DPP10: variants seen among roughly 807,000 people sequenced by gnomAD.
DPP10 encodes the protein dipeptidyl peptidase like 10, also known as inactive dipeptidyl peptidase 10.
In DPP10, 33 loss-of-function variants were observed where a neutral mutation model predicts 120.9. The ratio of observed to expected loss-of-function variants is 0.27; its 90% confidence interval spans 0.21 to 0.37. The LOEUF is 0.37. Among genes scored for constraint, DPP10 ranks in the 10% least tolerant of loss-of-function variants. DPP10 has a pLI of 1.00. For synonymous variants in DPP10, 337 were observed against 326.1 expected (o/e 1.03, Z -0.36); for missense variants, 816 against 942.8 (o/e 0.87, Z 1.76).
chr2:115,758,066 TA>T (rs1439891910), intron 11 of DPP10, among the ~76,000 whole-genome samples: 6 of 152,026 alleles, frequency 3.9e-5, no homozygotes, highest in Admixed American at 3.3e-4. Context: ...AGTATAGTGT[TA>T]GGAAAGGAAG....
intron 5 of DPP10, among the ~76,000 whole-genome samples, chr2:115,562,412 C>A (rs1649282416): frequency 6.6e-6 from 1 of 152,082 alleles, no homozygotes; most frequent in Non-Finnish European, 1.5e-5. Flanking sequence ...AGGTTGAGAC[C>A]ATATGCTTTT....
intron 1 of DPP10, among the ~76,000 whole-genome samples, chr2:114,643,780 C>T (rs1467410715): frequency 1.3e-5 from 2 of 151,562 alleles, no homozygotes; most frequent in African/African-American, 4.9e-5. Context: ...TTGGAAGATT[C>T]ATACACTTTG....
At chr2:115,777,128 C>T in intron 13 of DPP10, 80 bp from the exon 14 acceptor site, 1 of 1,258,024 alleles carries the variant, frequency 7.9e-7, no homozygotes, top group South Asian at 1.3e-5. Context: ...CGAAGTGTCA[C>T]AAGCAGTTGG....
At chr2:115,222,054 T>G (rs1028860315) in intron 1 of DPP10, among the ~76,000 whole-genome samples, 1 of 152,114 alleles carries the variant, frequency 6.6e-6, no homozygotes, top group South Asian at 2.1e-4. Context: ...CTGATAGATT[T>G]CTTGTTAGTA....
At chr2:114,890,825 G>A (rs970405784) in intron 1 of DPP10, among the ~76,000 whole-genome samples, 29 of 152,240 alleles carry the variant, frequency 1.9e-4, no homozygotes, top group Non-Finnish European at 4.3e-4. Context: ...ATAGCCAAAT[G>A]CTGTCGCTCT....
intron 1 of DPP10, among the ~76,000 whole-genome samples, chr2:114,751,955 A>C (rs1679269032): frequency 6.6e-6 from 1 of 152,216 alleles, no homozygotes; most frequent in African/African-American, 2.4e-5. Flanking sequence ...GGGGCCTAAG[A>C]CATGAATTTC....
At chr2:115,224,137 T>C (rs917825631) in intron 1 of DPP10, among the ~76,000 whole-genome samples, 3 of 152,048 alleles carry the variant, frequency 2.0e-5, no homozygotes, top group African/African-American at 7.2e-5. Flanking sequence ...TTAGTGAGTG[T>C]AAAGTTACAA....
chr2:115,743,063 T>C (rs1433785860), intron 9 of DPP10, among the ~76,000 whole-genome samples: 1 of 151,678 alleles, frequency 6.6e-6, no homozygotes, highest in Non-Finnish European at 1.5e-5. Flanking sequence ...AGGTTAATTG[T>C]TATTGAGGCT....
intron 1 of DPP10, among the ~76,000 whole-genome samples, chr2:115,171,299 T>A (rs1467915672): frequency 6.7e-6 from 1 of 149,092 alleles, no homozygotes. Context: ...AGGCAGAGGT[T>A]GCTGGGAGCC....
intron 1 of DPP10, among the ~76,000 whole-genome samples, chr2:114,879,816 A>G (rs933710054): frequency 6.6e-6 from 1 of 152,146 alleles, no homozygotes; most frequent in Non-Finnish European, 1.5e-5. Flanking sequence ...CCTCTCACTG[A>G]CAGGCGGTTC....
intron 1 of DPP10, among the ~76,000 whole-genome samples, chr2:115,181,292 C>T (rs532537947): frequency 6.6e-6 from 1 of 152,278 alleles, no homozygotes; most frequent in Non-Finnish European, 1.5e-5. Context: ...TTATCTGTTA[C>T]TTCATATCAT....
chr2:114,855,392 A>G (rs949475476), intron 1 of DPP10, among the ~76,000 whole-genome samples: 6 of 152,162 alleles, frequency 3.9e-5, no homozygotes, highest in Non-Finnish European at 7.3e-5. Flanking sequence ...TTAATAGCAA[A>G]TCCACTTAAG....
Position 114,831,855 on chromosome 2 carries a change from A to AT in DPP10, c.60+389017_60+389018insT, listed in dbSNP as rs1302039156. Among the ~76,000 whole-genome samples the AT allele has an allele frequency of 8.3e-3, 876 of 106,104 alleles. 6 individuals carry two copies. The highest frequency in any genetic ancestry group is 0.022 in the African/African-American group (822 of 38,108). The allele number at this position is 106,104 out of a possible 152,430, so 69.6% of individuals were successfully genotyped here. ...TCTCTTTCTCTCTCTTTAATTAAAA[A>AT]AAATATATATATATATAATATATAT... On this transcript the variant is annotated intron_variant, in intron 1 of 25. Transcript: ENST00000410059.
chr2:114,866,307 G>C (rs1690230412), intron 1 of DPP10, among the ~76,000 whole-genome samples: 1 of 151,880 alleles, frequency 6.6e-6, no homozygotes, highest in Admixed American at 6.6e-5. Flanking sequence ...TTGAGATCTT[G>C]AGCTAGGCCT....
At chr2:115,075,786 C>T (rs2104464812) in intron 1 of DPP10, among the ~76,000 whole-genome samples, 1 of 150,428 alleles carries the variant, frequency 6.6e-6, no homozygotes, top group African/African-American at 2.4e-5. Flanking sequence ...AATTCTATTT[C>T]TGTATACCTT....
intron 1 of DPP10, among the ~76,000 whole-genome samples, chr2:115,237,209 C>T (rs2058048811): frequency 6.6e-6 from 1 of 151,888 alleles, no homozygotes; most frequent in African/African-American, 2.4e-5. Flanking sequence ...GTTTGGGTCA[C>T]ATTTTGGGAA....
intron 1 of DPP10, among the ~76,000 whole-genome samples, chr2:115,076,275 G>A (rs186642736): frequency 8.7e-6 from 1 of 114,978 alleles, no homozygotes; most frequent in Non-Finnish European, 1.8e-5. Context: ...GGAATTAAAT[G>A]CTATAAACAC....
rs542147333 is a variant in DPP10, at chr2:114,587,257, C to T, written c.60+144419C>T. On this transcript the variant is annotated intron_variant, in intron 1 of 25. Coordinates refer to ENST00000410059, the MANE Select transcript of DPP10 (RefSeq NM_020868.6). ...CGGAGGTTGCAGTGGGCCAAGATCG[C>T]GCCATTGCACTCCAGCCTGGGCAAT... Among the ~76,000 whole-genome samples the T allele has an allele frequency of 3.7e-3, 551 of 147,868 alleles. 6 individuals are homozygous for T. Among genetic ancestry groups the T allele is most frequent in the Middle Eastern group, 6.9e-3 (2 of 288 alleles).
intron 5 of DPP10, among the ~76,000 whole-genome samples, chr2:115,534,030 T>A (rs575226022): frequency 6.6e-6 from 1 of 152,056 alleles, no homozygotes; most frequent in Admixed American, 6.6e-5. Flanking sequence ...ATTTACAACA[T>A]TTTTTGGTGA....
Sources: allele counts gnomAD v4.1 joint callset (sites outside exome capture counted in the v4.1 genomes callset), GRCh38; gene constraint gnomAD v4.1.1; transcripts MANE v1.5; gene names NCBI Gene and HGNC (gene_info 2026-07-23, HGNC 2026-07-21).